The following ACSS1 variants were observed in gnomAD, a reference collection of about 807,000 sequenced individuals.
The protein encoded by ACSS1 is acyl-CoA synthetase short chain family member 1.
In ACSS1, 42 loss-of-function variants were observed where a neutral mutation model predicts 75.3. That is an observed-to-expected ratio of 0.56 (90% CI 0.44 to 0.72). ACSS1 has a LOEUF of 0.72. Among genes scored for constraint, ACSS1 ranks in the 30% least tolerant of loss-of-function variants. ACSS1 has a pLI of 0.00. For synonymous variants in ACSS1, 380 were observed against 376.8 expected, an observed-to-expected ratio of 1.01 and a Z score of -0.10; for missense variants, 782 against 935.7, an observed-to-expected ratio of 0.84 and a Z score of 2.14.
Position 25,030,897 on chromosome 20 carries a change from C to A in ACSS1, c.493G>T (p.Gly165Trp), listed in dbSNP as rs746436865. The change falls in exon 3 of 14, where the codon GGG becomes TGG. Residue 165 changes from glycine (G) to tryptophan (W), a missense_variant. By Grantham distance (184) the Gly-to-Trp change is radical. Around this residue, in one of 2 missense-constraint regions of ACSS1, gnomAD observed 377 missense variants for 383.1 expected, o/e 0.98. Coordinates refer to ENST00000323482, the MANE Select transcript of ACSS1 (RefSeq NM_032501.4). ...NTLKRHGVHR[G>W]DRVAIYMPVS... ...GGCATGTAGATGGCAACACGGTCCCCACGGTGGACTCCATGCCTCTTCAGC... is the reference window on the plus strand; with the variant it reads ...GGCATGTAGATGGCAACACGGTCCCAACGGTGGACTCCATGCCTCTTCAGC... 1.1e-5 allele frequency: 17 copies of A among 1,614,128 alleles called. No homozygotes were observed. Among genetic ancestry groups the A allele is most frequent in the Non-Finnish European group, 1.4e-5 (17 of 1,180,056 alleles).
intron 1 of ACSS1, among the ~76,000 whole-genome samples, chr20:25,054,704 C>G (rs2089219539): frequency 6.6e-6 from 1 of 152,220 alleles, no homozygotes; most frequent in Non-Finnish European, 1.5e-5. Context: ...GAGAAACAGG[C>G]AGATGACTCC....
At position 25,023,601 on chromosome 20, in the gene ACSS1, C is replaced by G. The variant is rs755778022; in HGVS notation, c.672G>C (p.Arg224=). Residue 224 remains arginine (R), a synonymous_variant, in exon 4 of 14, where the codon CGG becomes CGC. Transcript: ENST00000323482. ...TCTTCAGCTCCACCACGCGCCCACC[C>G]CGGAGTCCTTGGTTGAAGGTGATAA... is the stretch of plus-strand genomic sequence containing the variant. The part of the protein sequence containing the change: ...KVVITFNQGL[R]GGRVVELKKI... 4 of 1,612,860 alleles carry G rather than the reference C, an allele frequency of 2.5e-6. No individual in the cohort carries two copies. In the South Asian group the frequency reaches 3.3e-5, roughly 13 times the overall value.
chr20:25,055,266 G>C (rs1271531508), intron 1 of ACSS1, among the ~76,000 whole-genome samples: 10 of 152,188 alleles, frequency 6.6e-5, no homozygotes, highest in Admixed American at 3.9e-4. Flanking sequence ...CTTAGGGGTG[G>C]TTTGATGTAC....
intron 2 of ACSS1, among the ~76,000 whole-genome samples, chr20:25,032,869 T>C (rs1242956162): frequency 3.3e-5 from 5 of 152,180 alleles, no homozygotes; most frequent in African/African-American, 9.7e-5. Context: ...CAGCCCGCAG[T>C]TCTCCCCGCA....
At chr20:25,031,074 G>A (rs770796963) in intron 2 of ACSS1, 116 bp from the exon 3 acceptor site, 1 of 1,038,460 alleles carries the variant, frequency 9.6e-7, no homozygotes, top group Admixed American at 2.0e-5. Context: ...CCAGTGCCAG[G>A]AAAACAGGCA....
chr20:25,014,245 G>A (rs1219002085), intron 8 of ACSS1, among the ~76,000 whole-genome samples, 172 bp from the exon 9 acceptor site: 2 of 152,218 alleles, frequency 1.3e-5, no homozygotes, highest in Non-Finnish European at 2.9e-5. Flanking sequence ...CTGTGGATAT[G>A]AGAGGCGGCC....
At chr20:25,027,722 C>T (rs1220157874) in intron 3 of ACSS1, among the ~76,000 whole-genome samples, 1 of 148,092 alleles carries the variant, frequency 6.8e-6, no homozygotes, top group Non-Finnish European at 1.5e-5. Flanking sequence ...CAAGGATGCC[C>T]ACTTTTCACC....
chr20:25,032,474 T>C, intron 2 of ACSS1: 1 of 1,320,310 alleles, frequency 7.6e-7, no homozygotes, highest in Non-Finnish European at 9.7e-7. Context: ...ATTAACCACT[T>C]TCCCACTCTT....
chr20:25,019,998 C>A lies in ACSS1; in HGVS notation c.1246+12G>T. On this transcript the variant is annotated intron_variant, in intron 7 of 13. Transcript: ENST00000323482. Reference sequence around the variant, plus strand: ...AAGCACAACCTCTCCTGCTGCAGGGCAGGCCGCTCACCTGACCCCAGGGTC... The same window carrying A: ...AAGCACAACCTCTCCTGCTGCAGGGAAGGCCGCTCACCTGACCCCAGGGTC... The A allele has an allele frequency of 6.2e-7, 1 of 1,614,078 alleles. No homozygotes were observed.
intron 3 of ACSS1, among the ~76,000 whole-genome samples, chr20:25,027,195 C>T (rs1334736778): frequency 6.6e-6 from 1 of 152,214 alleles, no homozygotes; most frequent in African/African-American, 2.4e-5. Context: ...CAGATGACTT[C>T]ACTGGTGAAT....
intron 2 of ACSS1, among the ~76,000 whole-genome samples, chr20:25,036,303 A>G (rs1600335391): frequency 6.6e-6 from 1 of 152,218 alleles, no homozygotes; most frequent in East Asian, 1.9e-4. Context: ...GGAAGGAAGA[A>G]GACTTATTAC....
At chr20:25,015,329 G>T (rs1377836765) in intron 7 of ACSS1, 99 bp from the exon 8 acceptor site, 1 of 1,016,692 alleles carries the variant, frequency 9.8e-7, no homozygotes, top group Non-Finnish European at 1.4e-6. Flanking sequence ...GTTTTTCTTT[G>T]AGACTGAGTC....
chr20:25,013,030 C>T (rs769172363), intron 10 of ACSS1, 91 bp from the exon 11 acceptor site: 5 of 1,582,086 alleles, frequency 3.2e-6, no homozygotes, highest in East Asian at 4.5e-5. Context: ...CAGCCCAGCA[C>T]GCGGCTGAAG....
At chr20:25,021,257 C>T (rs2088619124) in intron 6 of ACSS1, 132 bp downstream of exon 6, 2 of 1,230,668 alleles carry the variant, frequency 1.6e-6, no homozygotes, top group Admixed American at 5.9e-5. Context: ...ATTTCGACAG[C>T]AGGACCTGGA....
At chr20:25,051,207 C>A (rs948854150) in intron 1 of ACSS1, among the ~76,000 whole-genome samples, 1 of 152,192 alleles carries the variant, frequency 6.6e-6, no homozygotes, top group African/African-American at 2.4e-5. Context: ...CCAGACCCTG[C>A]GCATCCCCCA....
chr20:25,013,631 C>G lies in ACSS1; in HGVS notation c.1484G>C (p.Gly495Ala). ...GSVVEGSNVSGALCISQAWPG... is the reference protein window; with the variant it reads ...GSVVEGSNVSAALCISQAWPG... The stretch of plus-strand genomic sequence containing the variant: ...CCAGGCCTGGGAGATGCACAGGGCC[C>G]CGGAGACGTTGCTGCCCTCCACGAC... Residue 495 changes from glycine (G) to alanine (A), a missense_variant, in exon 10 of 14, where the codon GGG becomes GCG. Physicochemically the swap from Gly to Ala is moderately conservative, Grantham distance 60. Transcript: ENST00000323482. 6.2e-7 allele frequency: 1 copy of G among 1,607,646 alleles called. No individual in the cohort carries two copies. The highest frequency in any genetic ancestry group is 8.5e-7 in the Non-Finnish European group (1 of 1,176,822).
chr20:25,013,907 A>G, intron 9 of ACSS1, 54 bp downstream of exon 9: 1 of 1,549,510 alleles, frequency 6.5e-7, no homozygotes, highest in East Asian at 2.3e-5. Flanking sequence ...CTGGGCAGGC[A>G]GGGACAAGGG....
chr20:25,007,229 G>A lies in ACSS1; in HGVS notation c.*533C>T. 5.1e-6 allele frequency: 6 copies of A among 1,177,110 alleles called. No individual in the cohort carries two copies. Among genetic ancestry groups the A allele is most frequent in the African/African-American group, 1.6e-5 (1 of 64,110 alleles). The allele number at this position is 1,177,110 out of a possible 1,614,324, so 72.9% of individuals were successfully genotyped here. Reference sequence around the variant, plus strand: ...CTCTGATCCTCATGTTTCCTCACCAGTAGAGGCAAAAAAGGAGATTTTCAT... The same window carrying A: ...CTCTGATCCTCATGTTTCCTCACCAATAGAGGCAAAAAAGGAGATTTTCAT... On this transcript the variant is annotated 3_prime_UTR_variant, in exon 14 of 14. Coordinates refer to ENST00000323482, the MANE Select transcript of ACSS1 (RefSeq NM_032501.4).
intron 1 of ACSS1, among the ~76,000 whole-genome samples, chr20:25,054,321 C>G (rs1233002864): frequency 6.6e-6 from 1 of 152,202 alleles, no homozygotes; most frequent in Non-Finnish European, 1.5e-5. Context: ...CTGCCGAAGG[C>G]CAAGCACAAG....
Sources: gnomAD v4.1 joint callset for allele counts (sites outside exome capture counted in the v4.1 genomes callset) on GRCh38, gnomAD v4.1.1 for gene constraint, gnomAD v4.1.1 regional missense constraint, MANE v1.5 for transcripts, NCBI Gene and HGNC (gene_info 2026-07-23, HGNC 2026-07-21) for gene names.